The following SCLT1 variants were observed in gnomAD, a reference collection of about 807,000 sequenced individuals.
SCLT1 encodes the protein sodium channel and clathrin linker 1.
Under a neutral mutation model 112.8 loss-of-function variants are expected in SCLT1, and 78 were observed. That is an observed-to-expected ratio of 0.69 (90% CI 0.58 to 0.83). The LOEUF is 0.83. SCLT1 is among the 40% of genes least tolerant of loss of function. SCLT1 has a pLI of 0.00. For missense variants in SCLT1, 747 were observed against 770.4 expected (o/e 0.97, Z 0.36); for synonymous variants, 257 against 254.7 (o/e 1.01, Z -0.09).
intron 2 of SCLT1, among the ~76,000 whole-genome samples, chr4:129,044,659 T>G (rs1490816135): frequency 4.6e-5 from 7 of 151,894 alleles, no homozygotes; most frequent in Non-Finnish European, 1.0e-4. Context: ...ATAACATTAA[T>G]GTATGTGTGG....
intron 5 of SCLT1, among the ~76,000 whole-genome samples, chr4:129,031,126 CT>C (rs1746681806): frequency 1.3e-5 from 2 of 152,050 alleles, no homozygotes; most frequent in African/African-American, 4.8e-5. Context: ...GATCAAGTCG[CT>C]TTCATCCCTA....
At chr4:128,920,644 G>C (rs1305224874) in intron 18 of SCLT1, among the ~76,000 whole-genome samples, 1 of 152,088 alleles carries the variant, frequency 6.6e-6, no homozygotes, top group African/African-American at 2.4e-5. Context: ...AACAAACTAG[G>C]CATTGAATGA....
chr4:128,944,849 G>A (rs1159881970), intron 16 of SCLT1: 1 of 152,066 alleles, frequency 6.6e-6, no homozygotes, highest in African/African-American at 2.4e-5. Flanking sequence ...AGAATGCATG[G>A]GAGCCTTTAG....
chr4:129,030,665 T>A (rs1180362386), intron 5 of SCLT1, among the ~76,000 whole-genome samples: 1 of 152,026 alleles, frequency 6.6e-6, no homozygotes, highest in Non-Finnish European at 1.5e-5. Flanking sequence ...AAACTACCAT[T>A]AGAAAATACT....
At chr4:128,887,478 C>T (rs960754631) in intron 20 of SCLT1, among the ~76,000 whole-genome samples, 5 of 151,892 alleles carry the variant, frequency 3.3e-5, no homozygotes, top group Non-Finnish European at 5.9e-5. Flanking sequence ...GTATAAAATG[C>T]TGTAATAGTT....
intron 2 of SCLT1, among the ~76,000 whole-genome samples, chr4:129,054,633 T>G (rs1203364602): frequency 2.6e-5 from 4 of 152,060 alleles, no homozygotes; most frequent in African/African-American, 9.7e-5. Context: ...AACTGGTTAT[T>G]ATAGTTAGCA....
chr4:128,884,143 C>A lies in SCLT1; in HGVS notation c.*334G>T. The A allele has an allele frequency of 5.3e-6, 1 of 187,322 alleles. No individual in the cohort carries two copies. Among genetic ancestry groups the A allele is most frequent in the East Asian group, 1.3e-4 (1 of 7,646 alleles). 11.6% of individuals were successfully genotyped at this position (187,322 alleles called of 1,614,324 possible). A position where few individuals can be genotyped will look rare whatever the true frequency, so the allele number is the denominator to read the frequency against. On this transcript the variant is annotated 3_prime_UTR_variant, in exon 21 of 21. Transcript: ENST00000281142. ...AAATTCTAGAATTTTCTTAAAAACT[C>A]TTTCTTATGAAAGAGAAATTTGCAT...
At chr4:128,962,968 G>A (rs1418321574) in intron 11 of SCLT1, among the ~76,000 whole-genome samples, 2 of 152,112 alleles carry the variant, frequency 1.3e-5, no homozygotes, top group East Asian at 3.8e-4. Context: ...TTCAGTCTAG[G>A]AAGTGAATAT....
chr4:129,043,469 TA>T lies in SCLT1; in HGVS notation c.162-3del, dbSNP rs772892587. ...TCAGTAACAAGAGGAGCTAAAAAGCTAAAAAAAGACAATAAAAATATAGCAT... is the reference window on the plus strand; with the variant it reads ...TCAGTAACAAGAGGAGCTAAAAAGCTAAAAAAGACAATAAAAATATAGCAT... On this transcript the variant is annotated splice_region_variant and splice_polypyrimidine_tract_variant and intron_variant, in intron 3 of 20. Coordinates refer to ENST00000281142, the MANE Select transcript of SCLT1 (RefSeq NM_144643.4). 2.5e-5 allele frequency: 36 copies of T among 1,414,988 alleles called. No homozygotes were observed. The highest frequency in any genetic ancestry group is 8.7e-5 in the South Asian group (7 of 80,736). 87.7% of individuals were successfully genotyped at this position (1,414,988 alleles called of 1,614,324 possible).
intron 2 of SCLT1, among the ~76,000 whole-genome samples, chr4:129,057,409 C>CT (rs35098310): frequency 0.022 from 2,902 of 132,588 alleles, 40 homozygotes; most frequent in East Asian, 0.051. Flanking sequence ...TAATATTATT[C>CT]TTTTTTTTTT....
chr4:128,908,560 GTTCA>G (rs1455031473), intron 18 of SCLT1, among the ~76,000 whole-genome samples: 23 of 152,008 alleles, frequency 1.5e-4, no homozygotes, highest in Non-Finnish European at 2.9e-4. Context: ...ATATTCATGT[GTTCA>G]TTCATTTATT....
chr4:129,024,043 G>C (rs1354967859), intron 5 of SCLT1, among the ~76,000 whole-genome samples: 1 of 152,184 alleles, frequency 6.6e-6, no homozygotes, highest in South Asian at 2.1e-4. Flanking sequence ...CGGGAAGCTC[G>C]AACTGGGTGG....
At chr4:128,983,689 T>C (rs1296150098) in intron 9 of SCLT1, among the ~76,000 whole-genome samples, 1 of 152,166 alleles carries the variant, frequency 6.6e-6, no homozygotes, top group Non-Finnish European at 1.5e-5. Context: ...TTATCTACTA[T>C]GACAAGGTAT....
At chr4:129,031,312 C>T (rs984973911) in intron 5 of SCLT1, among the ~76,000 whole-genome samples, 3 of 152,058 alleles carry the variant, frequency 2.0e-5, no homozygotes, top group African/African-American at 7.2e-5. Context: ...GAGCATTTCT[C>T]AAATTAGTAA....
intron 2 of SCLT1, among the ~76,000 whole-genome samples, chr4:129,059,934 G>A (rs1251047217): frequency 6.6e-6 from 1 of 152,044 alleles, no homozygotes; most frequent in African/African-American, 2.4e-5. Flanking sequence ...TCATTAATAG[G>A]TTTTCTATGC....
chr4:129,038,981 C>A, intron 5 of SCLT1, 60 bp downstream of exon 5: 1 of 1,060,664 alleles, frequency 9.4e-7, no homozygotes, highest in Non-Finnish European at 1.4e-6. Context: ...TATCAAATAA[C>A]AAAAATAAAA....
At chr4:129,089,408 G>A (rs937521477) in intron 1 of SCLT1, among the ~76,000 whole-genome samples, 8 of 152,210 alleles carry the variant, frequency 5.3e-5, no homozygotes, top group Non-Finnish European at 8.8e-5. Flanking sequence ...CTTTTACACC[G>A]TTGGTGGGAG....
At chr4:128,962,389 T>C (rs1739815320) in intron 11 of SCLT1, among the ~76,000 whole-genome samples, 1 of 152,214 alleles carries the variant, frequency 6.6e-6, no homozygotes, top group Non-Finnish European at 1.5e-5. Context: ...TTCTAACCTG[T>C]GTTACAGAAT....
chr4:128,923,428 G>C (rs1736031028), intron 18 of SCLT1, among the ~76,000 whole-genome samples: 1 of 123,044 alleles, frequency 8.1e-6, no homozygotes, highest in Non-Finnish European at 1.6e-5. Context: ...CTGGGTGACA[G>C]AGTGAGACTC....
Sources: gnomAD v4.1 joint callset for allele counts (sites outside exome capture counted in the v4.1 genomes callset) on GRCh38, gnomAD v4.1.1 for gene constraint, MANE v1.5 for transcripts, NCBI Gene and HGNC (gene_info 2026-07-23, HGNC 2026-07-21) for gene names.